AFDN: variants seen among roughly 807,000 people sequenced by gnomAD.
The protein encoded by AFDN is afadin, adherens junction formation factor.
In AFDN, 68 loss-of-function variants were observed where a neutral mutation model predicts 216.6. The ratio of observed to expected loss-of-function variants is 0.31; its 90% CI spans 0.26 to 0.38. AFDN has a LOEUF of 0.38. Among genes scored for constraint, AFDN ranks in the 10% least tolerant of loss-of-function variants. AFDN has a pLI of 1.00. For synonymous variants in AFDN, 868 were observed against 853.7 expected, an observed-to-expected ratio of 1.02 and a Z score of -0.29; for missense variants, 2,136 against 2,342.0, an observed-to-expected ratio of 0.91 and a Z score of 1.82.
chr6:167,845,336 G>A (rs1440227162), intron 1 of AFDN, among the ~76,000 whole-genome samples: 5 of 151,928 alleles, frequency 3.3e-5, no homozygotes, highest in Admixed American at 3.3e-4. Flanking sequence ...AGTCATTTTG[G>A]TCTTCTGATT....
intron 1 of AFDN, among the ~76,000 whole-genome samples, chr6:167,863,975 A>G (rs1783876049): frequency 2.0e-5 from 3 of 152,174 alleles, no homozygotes; most frequent in Admixed American, 2.0e-4. Context: ...AAAAATTAAG[A>G]GTTTTCATTT....
intron 8 of AFDN, among the ~76,000 whole-genome samples, chr6:167,893,137 T>G (rs1226338620): frequency 6.6e-6 from 1 of 152,176 alleles, no homozygotes; most frequent in Non-Finnish European, 1.5e-5. Flanking sequence ...AGTTCAGGTC[T>G]GGTGCCACTA....
At chr6:167,886,138 A>T (rs1422930747) in intron 6 of AFDN, among the ~76,000 whole-genome samples, 1 of 151,396 alleles carries the variant, frequency 6.6e-6, no homozygotes, top group Admixed American at 6.6e-5. Flanking sequence ...GAATTTTTTT[A>T]CAGTGAACAT....
At chr6:167,826,741 G>A, upstream of AFDN, 1 of 379,128 alleles carries the variant, frequency 2.6e-6, no homozygotes, top group East Asian at 6.6e-5. Context: ...ACCGCGCGGG[G>A]CCCGCCCTCC....
intron 27 of AFDN, 133 bp downstream of exon 27, chr6:167,947,034 A>G (rs683465): frequency 0.15 from 113,559 of 744,134 alleles, 8,447 homozygotes; most frequent in Middle Eastern, 0.17. Context: ...TGGTTTTCAT[A>G]AGGGATATCA....
intron 1 of AFDN, among the ~76,000 whole-genome samples, chr6:167,861,016 C>T (rs1286822126): frequency 1.3e-5 from 2 of 152,180 alleles, no homozygotes; most frequent in Non-Finnish European, 2.9e-5. Context: ...CTGGCTGTAC[C>T]TCAGCCCTGC....
In AFDN at chr6:167,865,105, A is replaced by AAT. The variant is rs10660177; in HGVS notation, c.301+361_301+362dup. On this transcript the variant is annotated intron_variant, in intron 2 of 33. Coordinates refer to ENST00000683244, the MANE Select transcript of AFDN (RefSeq NM_001386888.1). ...TATGTGGCTCTTATGTAGAGATTAT[A>AAT]ATAATTGTAACACAGTTAAATATTA... Among the ~76,000 whole-genome samples the AAT allele has an allele frequency of 5.9e-3, 891 of 151,906 alleles. 18 individuals are homozygous for AAT. The highest frequency in any genetic ancestry group is 0.021 in the African/African-American group (859 of 41,468).
intron 26 of AFDN, among the ~76,000 whole-genome samples, chr6:167,946,361 A>G (rs1336691225): frequency 1.3e-5 from 2 of 152,214 alleles, no homozygotes; most frequent in Admixed American, 6.5e-5. Context: ...TGGGCGATTA[A>G]AAGTTCAGAT....
intron 1 of AFDN, among the ~76,000 whole-genome samples, chr6:167,860,092 C>T (rs1157508707): frequency 6.8e-6 from 1 of 146,658 alleles, no homozygotes; most frequent in East Asian, 2.2e-4. Flanking sequence ...TAAATAGAAA[C>T]TTCTTTCTGA....
At chr6:167,956,049 A>G (rs1370389673) in intron 30 of AFDN, among the ~76,000 whole-genome samples, 2 of 128,058 alleles carry the variant, frequency 1.6e-5, no homozygotes, top group East Asian at 5.7e-4. Context: ...CAGGAGGTGG[A>G]GGTTGCAGTG....
At chr6:167,915,498 A>G in intron 19 of AFDN, 65 bp downstream of exon 19, 1 of 1,521,952 alleles carries the variant, frequency 6.6e-7, no homozygotes, top group Non-Finnish European at 8.8e-7. Context: ...CTTTATGATG[A>G]GCAAGAGCTT....
chr6:167,951,385 A>G lies in AFDN; in HGVS notation c.4031A>G (p.Lys1344Arg). ...GTCACCCCTGCTTCCACACTGACCA[A>G]AAGTGGCCCTGGCCGTTGGAAAACA... ...KSVTPASTLT[K>R]SGPGRWKTPA... Residue 1344 changes from lysine (K) to arginine (R), a missense_variant, in exon 30 of 34, where the codon AAA (lysine) becomes AGA (arginine). Around this residue, in one of 8 missense-constraint regions of AFDN, gnomAD observed 981 missense variants for 966.0 expected, o/e 1.02. Transcript: ENST00000683244. The surrounding 1 kb of genome is among the most constrained non-coding windows in gnomAD (Gnocchi z 7.1). 1.2e-6 allele frequency: 2 copies of G among 1,614,154 alleles called. No individual in the cohort carries two copies. The highest frequency in any genetic ancestry group is 1.7e-6 in the Non-Finnish European group (2 of 1,180,036).
chr6:167,837,755 A>T (rs150930445), intron 1 of AFDN, among the ~76,000 whole-genome samples: 3 of 152,204 alleles, frequency 2.0e-5, no homozygotes, highest in Admixed American at 6.5e-5. Flanking sequence ...CAGAGCAGTG[A>T]TTGGAACCCA....
chr6:167,853,355 C>T (rs9455914), intron 1 of AFDN, among the ~76,000 whole-genome samples: 1 of 151,954 alleles, frequency 6.6e-6, no homozygotes, highest in Non-Finnish European at 1.5e-5. Flanking sequence ...TCTGAATGGG[C>T]ATTTAAAAAA....
At position 167,911,451 on chromosome 6, in the gene AFDN, G is replaced by T. The variant is rs769690450; in HGVS notation, c.1999G>T (p.Val667Phe). 1 of 1,614,096 alleles carries T rather than the reference G, an allele frequency of 6.2e-7. No individual in the cohort carries two copies. Among genetic ancestry groups the T allele is most frequent in the South Asian group, 1.1e-5 (1 of 91,080 alleles). The change falls in exon 15 of 34, where the codon GTC (valine) becomes TTC (phenylalanine). Residue 667 changes from valine (V) to phenylalanine (F), a missense_variant. Val to Phe is a conservative substitution (Grantham distance 50, BLOSUM62 -1). This residue lies in a region of AFDN where 817 missense variants were observed against 965.7 expected (regional missense o/e 0.85). Coordinates refer to ENST00000683244, the MANE Select transcript of AFDN (RefSeq NM_001386888.1). The part of the protein sequence containing the change: ...TERTHKVIAV[V>F]NKMVSMMEGV... Reference sequence around the variant, plus strand: ...GCGCACACATAAAGTCATTGCAGTCGTCAACAAGATGGTGAGCATGATGGA... The same window carrying T: ...GCGCACACATAAAGTCATTGCAGTCTTCAACAAGATGGTGAGCATGATGGA...
intron 27 of AFDN, 26 bp from the exon 28 acceptor site, chr6:167,947,827 T>C (rs755857944): frequency 6.6e-7 from 1 of 1,509,866 alleles, no homozygotes; most frequent in African/African-American, 1.4e-5. Context: ...TATTACACTT[T>C]TTTTTTTCCC....
chr6:167,888,021 T>G (rs1043928018), intron 6 of AFDN, among the ~76,000 whole-genome samples: 1 of 152,148 alleles, frequency 6.6e-6, no homozygotes, highest in South Asian at 2.1e-4. Context: ...ACATGAAAGT[T>G]GGGGCAGGAG....
At chr6:167,932,108 G>T (rs1264906995) in intron 23 of AFDN, among the ~76,000 whole-genome samples, 1 of 152,162 alleles carries the variant, frequency 6.6e-6, no homozygotes, top group Non-Finnish European at 1.5e-5. Flanking sequence ...TGTTTTTTCT[G>T]CAGAGGAACC....
At chr6:167,877,056 T>A (rs564752135) in intron 5 of AFDN, among the ~76,000 whole-genome samples, 1 of 152,244 alleles carries the variant, frequency 6.6e-6, no homozygotes, top group South Asian at 2.1e-4. Context: ...TTTGGCCATA[T>A]AAGGAATAAG....
Sources: gnomAD v4.1 joint callset for allele counts (sites outside exome capture counted in the v4.1 genomes callset) on GRCh38, gnomAD v4.1.1 for gene constraint, gnomAD v4.1.1 regional missense constraint, Gnocchi (gnomAD v3.1) non-coding constraint, MANE v1.5 for transcripts, NCBI Gene and HGNC (gene_info 2026-07-23, HGNC 2026-07-21) for gene names.